Variants in DAB2IP observed in about 807,000 individuals in gnomAD.
DAB2IP encodes the protein disabled homolog 2-interacting protein.
DAB2IP carries 28 observed loss-of-function variants against 107.2 expected under a neutral mutation model. That is an observed-to-expected ratio of 0.26 (90% CI 0.19 to 0.36). The LOEUF (loss-of-function observed/expected upper bound fraction) is 0.36, where lower values mean the gene tolerates loss of function less well. DAB2IP is among the 10% of genes least tolerant of loss of function. DAB2IP has a pLI of 1.00. For missense variants in DAB2IP, 1,400 were observed against 1,644.7 expected (o/e 0.85, Z 2.57); for synonymous variants, 755 against 706.4 (o/e 1.07, Z -1.09).
At chr9:121,591,603 G>T (rs1208732590) in intron 1 of DAB2IP, among the ~76,000 whole-genome samples, 2 of 152,216 alleles carry the variant, frequency 1.3e-5, no homozygotes, top group African/African-American at 4.8e-5. Flanking sequence ...TTGGATCTGT[G>T]CTTTGAAAAC....
chr9:121,664,634 C>T (rs1833344190), intron 1 of DAB2IP, among the ~76,000 whole-genome samples: 1 of 152,196 alleles, frequency 6.6e-6, no homozygotes, highest in Non-Finnish European at 1.5e-5. Flanking sequence ...CTTGGCTAAT[C>T]ACTGAAGTGG....
At chr9:121,783,400 G>T (rs1234614367) in exon 16 of DAB2IP, 2 of 1,581,528 alleles carry the variant, frequency 1.3e-6, no homozygotes, top group Admixed American at 1.8e-5. Flanking sequence ...GGGCACAGTG[G>T]TCCTGTAGGG....
In DAB2IP at chr9:121,699,188, G is replaced by C. The variant is rs983150244; in HGVS notation, c.229-137G>C. On this transcript the variant is annotated intron_variant, in intron 2 of 15. Transcript: ENST00000408936. The surrounding 1 kb of genome is among the most constrained non-coding windows in gnomAD (Gnocchi z 6.2). ...GGGCGGGCGGCGCGGGCCGCGAGCTGCTGGGGCCGAGCCCGAGCCCGGCCC... is the reference window on the plus strand; with the variant it reads ...GGGCGGGCGGCGCGGGCCGCGAGCTCCTGGGGCCGAGCCCGAGCCCGGCCC... 7.0e-5 allele frequency: 67 copies of C among 953,800 alleles called. No homozygotes were observed. The African/African-American group carries it at 1.2e-3, about 17-fold the overall frequency. The allele number at this position is 953,800 out of a possible 1,614,324, so 59.1% of individuals were successfully genotyped here. A position where few individuals can be genotyped will look rare whatever the true frequency, so the allele number is the denominator to read the frequency against.
intron 1 of DAB2IP, among the ~76,000 whole-genome samples, chr9:121,660,629 C>T (rs1238809152): frequency 6.6e-6 from 1 of 152,320 alleles, no homozygotes; most frequent in Admixed American, 6.5e-5. Flanking sequence ...GCCACGATCT[C>T]TCCCTGGCCT....
rs764100792 is a variant in DAB2IP, at chr9:121,760,080, G to A, written c.811G>A (p.Val271Ile). 1.2e-6 allele frequency: 2 copies of A among 1,614,014 alleles called. No individual in the cohort carries two copies. Among genetic ancestry groups the A allele is most frequent in the East Asian group, 2.2e-5 (1 of 44,850 alleles). ...CCACAACTTGCCGCCTCTGCGCACGGTCACTGTCCACCTGTACCGGGAGAC... is the reference window on the plus strand; with the variant it reads ...CCACAACTTGCCGCCTCTGCGCACGATCACTGTCCACCTGTACCGGGAGAC... Residue 271 changes from valine (V) to isoleucine (I), a missense_variant, in exon 6 of 16, where the codon GTC (valine) becomes ATC (isoleucine). Val to Ile is a conservative substitution (Grantham distance 29, BLOSUM62 3). Transcript: ENST00000408936. This position sits in a 1 kb window ranked among gnomAD's most constrained non-coding sequence, Gnocchi z 5.9.
intron 1 of DAB2IP, among the ~76,000 whole-genome samples, chr9:121,613,027 A>G (rs1377145697): frequency 2.6e-5 from 4 of 152,140 alleles, no homozygotes; most frequent in African/African-American, 9.7e-5. Flanking sequence ...CTAGAGCCCC[A>G]TTTATCTAGG....
chr9:121,773,898 C>T (rs1834970218), intron 12 of DAB2IP, among the ~76,000 whole-genome samples: 1 of 152,226 alleles, frequency 6.6e-6, no homozygotes, highest in Non-Finnish European at 1.5e-5. Context: ...GACCCTGTCA[C>T]CCAAAGGCTG....
At chr9:121,719,971 A>G (rs1284548464) in intron 3 of DAB2IP, among the ~76,000 whole-genome samples, 2 of 152,218 alleles carry the variant, frequency 1.3e-5, no homozygotes, top group African/African-American at 2.4e-5. Context: ...GTTCATTGTT[A>G]GGTCCTAGGC....
intron 4 of DAB2IP, 70 bp downstream of exon 4, chr9:121,757,236 T>G (rs1405521969): frequency 6.4e-7 from 1 of 1,560,490 alleles, no homozygotes; most frequent in African/African-American, 1.4e-5. Context: ...CCTCCAGACA[T>G]CCTCCTGGAG....
chr9:121,615,879 G>GC lies in DAB2IP; in HGVS notation c.40+48653dup, dbSNP rs566581466. ...GGTCTCAAGTGATCCACCTCCCTTG[G>GC]CCTCCCAAAGTGCTGGGATTACAGG... is the stretch of plus-strand genomic sequence containing the variant. On this transcript the variant is annotated intron_variant, in intron 1 of 16. Coordinates refer to the DAB2IP transcript ENST00000259371. Among the ~76,000 whole-genome samples the GC allele has an allele frequency of 5.5e-3, 843 of 152,216 alleles. 6 individuals carry two copies. The highest frequency in any genetic ancestry group is 0.02 in the African/African-American group (813 of 41,532).
At chr9:121,774,697 T>A (rs1158043039) in intron 13 of DAB2IP, among the ~76,000 whole-genome samples, 3 of 152,174 alleles carry the variant, frequency 2.0e-5, no homozygotes, top group African/African-American at 7.2e-5. Flanking sequence ...GGAAGGCTCC[T>A]TAGCCCAGGC....
intron 3 of DAB2IP, among the ~76,000 whole-genome samples, chr9:121,714,356 G>A (rs2118789555): frequency 6.6e-6 from 1 of 152,344 alleles, no homozygotes. Flanking sequence ...GGGAGAAAAT[G>A]GTTGGCAAAT....
intron 1 of DAB2IP, among the ~76,000 whole-genome samples, chr9:121,630,630 T>C (rs990430335): frequency 2.6e-5 from 4 of 151,584 alleles, no homozygotes; most frequent in African/African-American, 9.7e-5. Context: ...TATTTTTGAA[T>C]GGAGTCTTGC....
intron 1 of DAB2IP, among the ~76,000 whole-genome samples, chr9:121,644,135 C>T (rs1251998477): frequency 6.6e-6 from 1 of 151,456 alleles, no homozygotes; most frequent in African/African-American, 2.4e-5. Flanking sequence ...CCCACCACTG[C>T]ATTTCAGCCT....
chr9:121,728,064 A>C (rs1831332540), intron 3 of DAB2IP, among the ~76,000 whole-genome samples: 1 of 152,290 alleles, frequency 6.6e-6, no homozygotes, highest in Admixed American at 6.5e-5. Flanking sequence ...GGGGATGGTT[A>C]AAGTACCAAC....
chr9:121,771,259 G>A (rs1263078287), intron 11 of DAB2IP, among the ~76,000 whole-genome samples: 1 of 152,148 alleles, frequency 6.6e-6, no homozygotes, highest in East Asian at 1.9e-4. Flanking sequence ...AGACACACAC[G>A]GCAGAGTGGA....
chr9:121,644,408 C>G (rs1300857872), intron 1 of DAB2IP, among the ~76,000 whole-genome samples: 2 of 152,182 alleles, frequency 1.3e-5, no homozygotes, highest in African/African-American at 4.8e-5. Context: ...ACCAGCCTGG[C>G]CAACATGGCG....
chr9:121,699,295 C>T lies in DAB2IP; in HGVS notation c.229-30C>T. Reference sequence around the variant, plus strand: ...GCCGCCGCCGCGCTAACCCCGCCTCCCCTTCCCCCTCTTGTCCCCCCGTGC... The same window carrying T: ...GCCGCCGCCGCGCTAACCCCGCCTCTCCTTCCCCCTCTTGTCCCCCCGTGC... On this transcript the variant is annotated intron_variant, in intron 2 of 15. Transcript: ENST00000408936. The surrounding 1 kb of genome is among the most constrained non-coding windows in gnomAD (Gnocchi z 6.2). 1 of 1,382,714 alleles carries T rather than the reference C, an allele frequency of 7.2e-7. No homozygotes were observed. The highest frequency in any genetic ancestry group is 1.5e-5 in the African/African-American group (1 of 65,890). 85.7% of individuals were successfully genotyped at this position (1,382,714 alleles called of 1,614,324 possible). A position where few individuals can be genotyped will look rare whatever the true frequency, so the allele number is the denominator to read the frequency against.
chr9:121,683,905 T>A (rs986137162), intron 2 of DAB2IP, among the ~76,000 whole-genome samples: 2 of 152,106 alleles, frequency 1.3e-5, no homozygotes, highest in African/African-American at 4.8e-5. Context: ...CCTGTGTGAT[T>A]GGAGTGCTGG....
Sources: allele counts gnomAD v4.1 joint callset (sites outside exome capture counted in the v4.1 genomes callset), GRCh38; gene constraint gnomAD v4.1.1; non-coding constraint Gnocchi (gnomAD v3.1); transcripts MANE v1.5; gene names NCBI Gene and HGNC (gene_info 2026-07-23, HGNC 2026-07-21).